RIMS1: variants seen among roughly 807,000 people sequenced by gnomAD.
RIMS1 encodes the protein regulating synaptic membrane exocytosis protein 1.
In RIMS1, 83 loss-of-function variants were observed where a neutral mutation model predicts 214.1. The observed-to-expected ratio is 0.39, with a 90% CI of 0.32 to 0.47. RIMS1 has a LOEUF of 0.47. Ranked by LOEUF, RIMS1 falls within the 20% of genes least tolerant of loss-of-function variation. The probability of loss-of-function intolerance (pLI) is 0.99; values close to 1 mark genes in which losing one functional copy is unlikely to be tolerated. For synonymous variants in RIMS1, 793 were observed against 786.8 expected, an observed-to-expected ratio of 1.01 and a Z score of -0.13; for missense variants, 2,050 against 2,161.8, an observed-to-expected ratio of 0.95 and a Z score of 1.03.
chr6:72,263,970 A>C (rs1387208218), intron 19 of RIMS1: 1 of 502,754 alleles, frequency 2.0e-6, no homozygotes, highest in Non-Finnish European at 2.6e-6. Flanking sequence ...TCCAGCCTAG[A>C]TAACAAGAGT....
chr6:72,401,956 A>G lies in RIMS1; in HGVS notation c.*1242A>G, dbSNP rs1160063138. 1.3e-5 allele frequency: 2 copies of G among 152,656 alleles called. No individual in the cohort carries two copies. The highest frequency in any genetic ancestry group is 1.9e-4 in the East Asian group (1 of 5,198). 9.5% of individuals were successfully genotyped at this position (152,656 alleles called of 1,614,324 possible). A position where few individuals can be genotyped will look rare whatever the true frequency, so the allele number is the denominator to read the frequency against. ...ACTTTTTGGGGGGAAAATAAACAAA[A>G]TGAACTTTCAATTTGCATTTTCATT... On this transcript the variant is annotated 3_prime_UTR_variant, in exon 34 of 34. Transcript: ENST00000521978.
intron 16 of RIMS1, among the ~76,000 whole-genome samples, chr6:72,253,054 A>G (rs1443581215): frequency 6.6e-6 from 1 of 152,200 alleles, no homozygotes; most frequent in Non-Finnish European, 1.5e-5. Context: ...CCGTAGAAAC[A>G]TGTCTAACTA....
Position 72,263,060 on chromosome 6 carries a change from T to A in RIMS1, c.3117-1915T>A, listed in dbSNP as rs2078781741. 1.3e-5 allele frequency: 12 copies of A among 944,846 alleles called. No homozygotes were observed. In the South Asian group the frequency reaches 4.9e-4, roughly 39 times the overall value. The allele number at this position is 944,846 out of a possible 1,614,324, so 58.5% of individuals were successfully genotyped here. ...TTCAAAATCAGATCTATTTGATATCTTCTGTTTAACTAGTTTTTCCAAAAA... is the reference window on the plus strand; with the variant it reads ...TTCAAAATCAGATCTATTTGATATCATCTGTTTAACTAGTTTTTCCAAAAA... On this transcript the variant is annotated intron_variant, in intron 19 of 33. Transcript: ENST00000521978.
At chr6:72,055,628 A>T (rs1825949685) in intron 2 of RIMS1, among the ~76,000 whole-genome samples, 1 of 152,080 alleles carries the variant, frequency 6.6e-6, no homozygotes, top group Non-Finnish European at 1.5e-5. Context: ...ATTCAGTATG[A>T]TGTTGGCCAT....
At chr6:71,939,463 GT>G (rs1222165444) in intron 1 of RIMS1, among the ~76,000 whole-genome samples, 1 of 152,104 alleles carries the variant, frequency 6.6e-6, no homozygotes, top group Non-Finnish European at 1.5e-5. Context: ...CCCTCTTCCA[GT>G]ACCAATTTTC....
chr6:71,921,121 C>T (rs1043168069), intron 1 of RIMS1, among the ~76,000 whole-genome samples: 10 of 152,070 alleles, frequency 6.6e-5, no homozygotes, highest in Admixed American at 1.3e-4. Context: ...CAATACAAGC[C>T]ATTATTTTAT....
intron 1 of RIMS1, among the ~76,000 whole-genome samples, chr6:71,918,044 G>A (rs1160322702): frequency 2.0e-5 from 3 of 152,108 alleles, no homozygotes; most frequent in Admixed American, 1.3e-4. Flanking sequence ...GTACGTAGTC[G>A]AATATTCAAG....
At chr6:72,320,065 A>ATTCGAATT (rs1371564899) in intron 28 of RIMS1, among the ~76,000 whole-genome samples, 2 of 152,138 alleles carry the variant, frequency 1.3e-5, no homozygotes, top group East Asian at 3.8e-4. Flanking sequence ...GGCATTTAAA[A>ATTCGAATT]TTCGAATTTT....
intron 29 of RIMS1, among the ~76,000 whole-genome samples, chr6:72,346,096 G>A (rs2097257891): frequency 6.6e-6 from 1 of 151,640 alleles, no homozygotes; most frequent in Non-Finnish European, 1.5e-5. Context: ...ACTATAATAT[G>A]GAACCATAAA....
intron 2 of RIMS1, among the ~76,000 whole-genome samples, chr6:72,014,612 T>C (rs1812080915): frequency 6.6e-6 from 1 of 152,222 alleles, no homozygotes; most frequent in Non-Finnish European, 1.5e-5. Flanking sequence ...TTTCAATTTT[T>C]TTTGATGTAT....
Position 72,213,238 on chromosome 6 carries a change from T to C in RIMS1, c.1679-20535T>C, listed in dbSNP as rs1331755972. The stretch of plus-strand genomic sequence containing the variant: ...GCAGTTGCTGGTAAGCAATAGATAA[T>C]GGTAATCCCACTTCATTTTGTCCCA... On this transcript the variant is annotated intron_variant, in intron 6 of 33. Transcript: ENST00000521978. 3.9e-6 allele frequency: 6 copies of C among 1,529,354 alleles called. No homozygotes were observed. The African/African-American group carries it at 4.1e-5, about 10-fold the overall frequency. The allele number at this position is 1,529,354 out of a possible 1,614,324, so 94.7% of individuals were successfully genotyped here. A position where few individuals can be genotyped will look rare whatever the true frequency, so the allele number is the denominator to read the frequency against.
At chr6:71,996,463 A>G (rs1803465839) in intron 2 of RIMS1, among the ~76,000 whole-genome samples, 1 of 152,200 alleles carries the variant, frequency 6.6e-6, no homozygotes. Flanking sequence ...CAAACTTACA[A>G]TTGCTAAAGG....
At chr6:72,356,779 A>T (rs546541021) in intron 29 of RIMS1, among the ~76,000 whole-genome samples, 18 of 151,886 alleles carry the variant, frequency 1.2e-4, no homozygotes, top group East Asian at 5.8e-4. Flanking sequence ...ATAATAATAA[A>T]AAATAAAATA....
At chr6:72,301,696 T>C (rs1322909958) in intron 26 of RIMS1, among the ~76,000 whole-genome samples, 2 of 151,650 alleles carry the variant, frequency 1.3e-5, no homozygotes, top group African/African-American at 4.8e-5. Flanking sequence ...GTATTAGCTC[T>C]TATAAGTAAC....
At chr6:72,253,852 A>G (rs1379315271) in intron 16 of RIMS1, among the ~76,000 whole-genome samples, 2 of 151,994 alleles carry the variant, frequency 1.3e-5, no homozygotes, top group African/African-American at 4.8e-5. Flanking sequence ...AATTCAGAGA[A>G]TATATGGTAT....
At position 72,179,565 on chromosome 6, in the gene RIMS1, C is replaced by A; in HGVS notation, c.472-10C>A. 1 of 1,599,620 alleles carries A rather than the reference C, an allele frequency of 6.3e-7. No homozygotes were observed. ...ATAAAAATTTATATTGTTCTTTCTT[C>A]TTCAAATAGGTTATGTGGGTATGCA... On this transcript the variant is annotated splice_polypyrimidine_tract_variant and intron_variant, in intron 4 of 33. Transcript: ENST00000521978.
chr6:72,105,755 A>G (rs2034618012), intron 4 of RIMS1, among the ~76,000 whole-genome samples: 1 of 152,196 alleles, frequency 6.6e-6, no homozygotes, highest in South Asian at 2.1e-4. Flanking sequence ...AAGAATAAAT[A>G]GAATTCCCTC....
chr6:72,252,619 A>G, intron 15 of RIMS1, 142 bp from the exon 16 acceptor site: 1 of 658,002 alleles, frequency 1.5e-6, no homozygotes, highest in South Asian at 1.8e-5. Flanking sequence ...TTCTTTTAAA[A>G]TTAGCTCAGT....
intron 2 of RIMS1, among the ~76,000 whole-genome samples, chr6:72,055,926 G>A (rs1050618437): frequency 6.6e-6 from 1 of 152,000 alleles, no homozygotes; most frequent in East Asian, 1.9e-4. Flanking sequence ...ACGCCCAAAG[G>A]AATAAAAGTT....
Sources: allele counts gnomAD v4.1 joint callset (sites outside exome capture counted in the v4.1 genomes callset), GRCh38; gene constraint gnomAD v4.1.1; transcripts MANE v1.5; gene names NCBI Gene and HGNC (gene_info 2026-07-23, HGNC 2026-07-21).